The following PPP4R2 variants were observed in gnomAD, a reference collection of about 807,000 sequenced individuals.
The protein encoded by PPP4R2 is protein phosphatase 4 regulatory subunit 2.
A neutral mutation model predicts 47.2 loss-of-function variants in PPP4R2; 13 were observed. The ratio of observed to expected loss-of-function variants is 0.28; its 90% CI spans 0.18 to 0.44. The LOEUF (loss-of-function observed/expected upper bound fraction) is 0.44. Among genes scored for constraint, PPP4R2 ranks in the 20% least tolerant of loss-of-function variants. PPP4R2 has a pLI of 1.00. For synonymous variants in PPP4R2, 151 were observed against 163.3 expected (o/e 0.92, Z 0.57); for missense variants, 421 against 491.2 (o/e 0.86, Z 1.35).
intron 2 of PPP4R2, among the ~76,000 whole-genome samples, chr3:73,004,944 C>CGTGTGTGTGTGT (rs67945272): frequency 8.6e-6 from 1 of 116,950 alleles, no homozygotes; most frequent in Non-Finnish European, 1.7e-5. Flanking sequence ...GAGTCGGAGT[C>CGTGTGTGTGTGT]GTGTGTGTGT....
In PPP4R2 at chr3:73,065,523, C is replaced by T; in HGVS notation, c.1055C>T (p.Ser352Phe). 3.7e-6 allele frequency: 6 copies of T among 1,611,988 alleles called. No individual in the cohort carries two copies. Among genetic ancestry groups the T allele is most frequent in the East Asian group, 2.2e-5 (1 of 44,858 alleles). Residue 352 changes from serine to phenylalanine, a missense_variant, in exon 9 of 9, where the codon TCT becomes TTT. By Grantham distance (155) the Ser-to-Phe change is radical. Coordinates refer to ENST00000356692, the MANE Select transcript of PPP4R2 (RefSeq NM_174907.4). ...AATCAAATGGAGGAATCTGATGTGT[C>T]TCAAGCTGAGAAAGATTTGCTACAT... Reference protein sequence around the residue: ...ENNQMEESDVSQAEKDLLHSE... With the variant: ...ENNQMEESDVFQAEKDLLHSE...
chr3:73,009,864 T>A (rs1701686834), intron 2 of PPP4R2, among the ~76,000 whole-genome samples: 1 of 152,220 alleles, frequency 6.6e-6, no homozygotes, highest in South Asian at 2.1e-4. Context: ...TTTCACCAGC[T>A]CTCTGATGTG....
At position 73,068,869 on chromosome 3, in the gene PPP4R2, T is replaced by TA. The variant is rs961216990; in HGVS notation, c.*3152dup. 3.9e-5 allele frequency: 6 copies of TA among 152,236 alleles called. No individual in the cohort carries two copies. Among genetic ancestry groups the TA allele is most frequent in the Admixed American group, 2.6e-4 (4 of 15,284 alleles). The allele number at this position is 152,236 out of a possible 1,614,324, so 9.4% of individuals were successfully genotyped here. A position where few individuals can be genotyped will look rare whatever the true frequency, so the allele number is the denominator to read the frequency against. On this transcript the variant is annotated 3_prime_UTR_variant, in exon 9 of 9. Transcript: ENST00000356692. ...ATGCAACTTACAAAACCAAAGGAAT[T>TA]AAAAATTTTCGGTAGTGTTTCAAAT...
intron 2 of PPP4R2, among the ~76,000 whole-genome samples, chr3:73,021,902 T>TATATA (rs761206720): frequency 4.5e-5 from 5 of 112,232 alleles, no homozygotes; most frequent in South Asian, 3.3e-4. Flanking sequence ...ATATATATAT[T>TATATA]TTTTTTTTTT....
intron 2 of PPP4R2, among the ~76,000 whole-genome samples, chr3:73,005,303 T>C (rs1232509063): frequency 3.3e-5 from 5 of 151,264 alleles, no homozygotes; most frequent in Non-Finnish European, 7.4e-5. Context: ...TGTTGGATAT[T>C]TTGGAGTCAT....
intron 2 of PPP4R2, among the ~76,000 whole-genome samples, chr3:73,028,521 A>G (rs534290880): frequency 3.8e-4 from 58 of 151,978 alleles, no homozygotes; most frequent in Non-Finnish European, 6.6e-4. Flanking sequence ...CAGTGGTGCA[A>G]TCTGTGCCTC....
intron 2 of PPP4R2, among the ~76,000 whole-genome samples, chr3:73,020,733 G>T (rs1448994070): frequency 2.0e-5 from 3 of 150,846 alleles, no homozygotes; most frequent in Non-Finnish European, 2.9e-5. Flanking sequence ...TTGCTGTGTT[G>T]CCCAGGCTGG....
chr3:73,058,896 A>T (rs944060062), intron 3 of PPP4R2, 141 bp from the exon 4 acceptor site: 17 of 477,332 alleles, frequency 3.6e-5, no homozygotes, highest in Non-Finnish European at 5.8e-5. Flanking sequence ...TGACTCATCC[A>T]TTTATTTCCC....
intron 2 of PPP4R2, among the ~76,000 whole-genome samples, chr3:73,000,190 T>C (rs924894030): frequency 6.6e-6 from 1 of 152,170 alleles, no homozygotes; most frequent in African/African-American, 2.4e-5. Context: ...TTAAGTTACC[T>C]GAGTGTGTTG....
chr3:73,040,499 A>ATT (rs11342756), intron 2 of PPP4R2, among the ~76,000 whole-genome samples: 17 of 117,578 alleles, frequency 1.4e-4, no homozygotes, highest in Non-Finnish European at 2.6e-4. Flanking sequence ...ATGTGACCTA[A>ATT]TTTTTTTTTT....
chr3:73,051,929 T>C (rs1435296115), intron 3 of PPP4R2, among the ~76,000 whole-genome samples: 2 of 152,162 alleles, frequency 1.3e-5, no homozygotes, highest in Non-Finnish European at 2.9e-5. Context: ...CCGGCCAAAG[T>C]ACAGATTTTT....
intron 2 of PPP4R2, among the ~76,000 whole-genome samples, chr3:73,021,184 G>A (rs964944798): frequency 6.6e-6 from 1 of 151,690 alleles, no homozygotes; most frequent in African/African-American, 2.4e-5. Flanking sequence ...CACTTAAAAA[G>A]AGTAGGAAGG....
rs1703022445 is a variant in PPP4R2, at chr3:73,067,463, A to G, written c.*1741A>G. On this transcript the variant is annotated 3_prime_UTR_variant, in exon 9 of 9. Coordinates refer to ENST00000356692, the MANE Select transcript of PPP4R2 (RefSeq NM_174907.4). The stretch of plus-strand genomic sequence containing the variant: ...TGACTGTCAGGTTCACAACAGCTAG[A>G]TGATATATTTATGACTATGTCTAAT... 1.3e-5 allele frequency: 2 copies of G among 152,164 alleles called. No homozygotes were observed. The highest frequency in any genetic ancestry group is 6.5e-5 in the Admixed American group (1 of 15,278). 9.4% of individuals were successfully genotyped at this position (152,164 alleles called of 1,614,324 possible). A position where few individuals can be genotyped will look rare whatever the true frequency, so the allele number is the denominator to read the frequency against.
intron 2 of PPP4R2, among the ~76,000 whole-genome samples, chr3:73,032,367 C>G (rs139093941): frequency 6.6e-6 from 1 of 151,666 alleles, no homozygotes; most frequent in Non-Finnish European, 1.5e-5. Flanking sequence ...CGGCTCATTG[C>G]AACCTCCAAC....
intron 2 of PPP4R2, among the ~76,000 whole-genome samples, chr3:73,030,949 G>T (rs967004178): frequency 6.6e-6 from 1 of 151,896 alleles, no homozygotes; most frequent in African/African-American, 2.4e-5. Context: ...TGATCTGCCC[G>T]CCTCGGCCTC....
At position 73,023,997 on chromosome 3, in the gene PPP4R2, A is replaced by C. The variant is rs369615234; in HGVS notation, c.117-23189A>C. On this transcript the variant is annotated intron_variant, in intron 2 of 8. Transcript: ENST00000356692. ...AGTAGCTTAATTTTTCTTAATTTGT[A>C]TTTTCACTAAGCATTTACCTTTTTA... Among the ~76,000 whole-genome samples, 3 of 152,110 alleles carry C rather than the reference A, an allele frequency of 2.0e-5. No individual in the cohort carries two copies. In the East Asian group the frequency reaches 5.8e-4, roughly 29 times the overall value.
At chr3:73,034,823 C>T (rs1190102558) in intron 2 of PPP4R2, among the ~76,000 whole-genome samples, 1 of 149,952 alleles carries the variant, frequency 6.7e-6, no homozygotes, top group East Asian at 2.0e-4. Context: ...ATTGGCTACT[C>T]TGCCTGGCCC....
At chr3:73,030,612 ATT>A (rs57682305) in intron 2 of PPP4R2, among the ~76,000 whole-genome samples, 35 of 143,028 alleles carry the variant, frequency 2.4e-4, no homozygotes, top group South Asian at 8.7e-4. Context: ...GATTACGTTG[ATT>A]TTTTTTTTTT....
intron 3 of PPP4R2, among the ~76,000 whole-genome samples, chr3:73,055,043 T>G (rs1168138024): frequency 6.6e-6 from 1 of 152,182 alleles, no homozygotes; most frequent in East Asian, 1.9e-4. Context: ...AGCTTGCATT[T>G]AAATTAAGAT....
Sources: gnomAD v4.1 joint callset for allele counts (sites outside exome capture counted in the v4.1 genomes callset) on GRCh38, gnomAD v4.1.1 for gene constraint, MANE v1.5 for transcripts, NCBI Gene and HGNC (gene_info 2026-07-23, HGNC 2026-07-21) for gene names.